The following IL1RAPL1 variants were observed in gnomAD, a reference collection of about 807,000 sequenced individuals.
IL1RAPL1 encodes interleukin 1 receptor accessory protein like 1.
Under a neutral mutation model 48.4 loss-of-function variants are expected in IL1RAPL1, and 3 were observed. That is an observed-to-expected ratio of 0.06 (90% CI 0.03 to 0.16). The LOEUF (loss-of-function observed/expected upper bound fraction) is 0.16, where lower values mean the gene tolerates loss of function less well. Ranked by LOEUF, IL1RAPL1 falls within the 10% of genes least tolerant of loss-of-function variation. IL1RAPL1 has a pLI of 1.00. For missense variants in IL1RAPL1, 349 were observed against 530.6 expected, an observed-to-expected ratio of 0.66 and a Z score of 3.36; for synonymous variants, 185 against 187.7, an observed-to-expected ratio of 0.99 and a Z score of 0.12.
chrX:29,788,960 A>G lies in IL1RAPL1; in HGVS notation c.778+120456A>G, dbSNP rs768479223. ...ATAATTAACTGTATTTATGACAAAGAAAGCAAAACAGAATAATTTAGATAA... is the reference window on the plus strand; with the variant it reads ...ATAATTAACTGTATTTATGACAAAGGAAGCAAAACAGAATAATTTAGATAA... On this transcript the variant is annotated intron_variant, in intron 6 of 10. Transcript: ENST00000378993. Among the ~76,000 whole-genome samples, 3 of 111,217 alleles carry G rather than the reference A, an allele frequency of 2.7e-5. No individual in the cohort carries two copies. The South Asian group carries it at 1.1e-3, about 41-fold the overall frequency.
chrX:29,341,946 A>G (rs1419404298), intron 3 of IL1RAPL1, among the ~76,000 whole-genome samples: 2 of 109,984 alleles, frequency 1.8e-5, no homozygotes. Flanking sequence ...AGCTGGGACT[A>G]CAGGTGCACC....
chrX:28,890,666 A>C (rs185706489), intron 2 of IL1RAPL1, among the ~76,000 whole-genome samples: 1 of 112,125 alleles, frequency 8.9e-6, no homozygotes, highest in African/African-American at 3.2e-5. Flanking sequence ...TTGAATAATT[A>C]ATAAACCATT....
chrX:28,601,264 T>C (rs1368116503), intron 1 of IL1RAPL1, among the ~76,000 whole-genome samples: 4 of 110,398 alleles, frequency 3.6e-5, no homozygotes, highest in African/African-American at 1.3e-4. Context: ...ACTAAAAAAA[T>C]ACAATAATTA....
chrX:29,307,638 T>C (rs1279179108), intron 3 of IL1RAPL1, among the ~76,000 whole-genome samples: 1 of 97,433 alleles, frequency 1.0e-5, no homozygotes, highest in Non-Finnish European at 2.1e-5. Context: ...TTTTGATAAG[T>C]GGAAAACATT....
intron 5 of IL1RAPL1, among the ~76,000 whole-genome samples, chrX:29,591,883 G>C (rs180904063): frequency 8.9e-6 from 1 of 112,155 alleles, no homozygotes; most frequent in Non-Finnish European, 1.9e-5. Context: ...GGATCACATG[G>C]CCAGAAAGTG....
At chrX:29,044,262 C>T (rs1293327327) in intron 2 of IL1RAPL1, among the ~76,000 whole-genome samples, 2 of 109,881 alleles carry the variant, frequency 1.8e-5, no homozygotes, top group Non-Finnish European at 3.8e-5. Flanking sequence ...TGAAACCCAC[C>T]TCTACTAAAA....
intron 6 of IL1RAPL1, among the ~76,000 whole-genome samples, chrX:29,763,435 G>A (rs1195210463): frequency 9.0e-6 from 1 of 111,024 alleles, no homozygotes; most frequent in Admixed American, 9.7e-5. Flanking sequence ...GAAACTATGT[G>A]CTCAGGAACA....
At chrX:29,296,822 A>G (rs1432178923) in intron 3 of IL1RAPL1, among the ~76,000 whole-genome samples, 1 of 112,073 alleles carries the variant, frequency 8.9e-6, no homozygotes, top group Admixed American at 9.5e-5. Context: ...TAGAATATAT[A>G]TAACCTGCTT....
chrX:28,963,259 GTATAT>G (rs1260075584), intron 2 of IL1RAPL1, among the ~76,000 whole-genome samples: 2 of 111,138 alleles, frequency 1.8e-5, no homozygotes, highest in Admixed American at 1.9e-4. Context: ...CTGCCTAGAA[GTATAT>G]TATACTTTTT....
chrX:28,972,665 G>A (rs1013861641), intron 2 of IL1RAPL1, among the ~76,000 whole-genome samples: 3 of 111,439 alleles, frequency 2.7e-5, no homozygotes, highest in East Asian at 2.8e-4. Flanking sequence ...CGTGAACCTA[G>A]GAGGCGGAGC....
At chrX:29,622,692 A>G (rs1924496902) in intron 5 of IL1RAPL1, among the ~76,000 whole-genome samples, 1 of 111,169 alleles carries the variant, frequency 9.0e-6, no homozygotes, top group Non-Finnish European at 1.9e-5. Context: ...TCTGAAGAGT[A>G]TTTTTTTAAT....
At chrX:29,701,170 G>C (rs761002768) in intron 6 of IL1RAPL1, among the ~76,000 whole-genome samples, 5 of 111,893 alleles carry the variant, frequency 4.5e-5, no homozygotes, top group Non-Finnish European at 9.4e-5. Flanking sequence ...TCATCTGGGG[G>C]CAGAATATCA....
At chrX:28,990,813 T>A (rs1337838272) in intron 2 of IL1RAPL1, among the ~76,000 whole-genome samples, 2 of 111,898 alleles carry the variant, frequency 1.8e-5, no homozygotes, top group Admixed American at 9.5e-5. Flanking sequence ...TTTTATTTTG[T>A]ACTGCTTTCA....
At chrX:29,165,741 A>G (rs930023722) in intron 2 of IL1RAPL1, among the ~76,000 whole-genome samples, 3 of 112,202 alleles carry the variant, frequency 2.7e-5, no homozygotes, top group Non-Finnish European at 3.8e-5. Flanking sequence ...AAGATTTTAT[A>G]GTTTCCCTTT....
intron 2 of IL1RAPL1, chrX:28,982,729 A>C (rs1925373854): frequency 8.9e-6 from 1 of 112,167 alleles, no homozygotes. Flanking sequence ...TGCTTCTGCC[A>C]CTAAACCCGA....
At chrX:29,317,032 G>A (rs1019650155) in intron 3 of IL1RAPL1, among the ~76,000 whole-genome samples, 1 of 111,214 alleles carries the variant, frequency 9.0e-6, no homozygotes, top group African/African-American at 3.3e-5. Flanking sequence ...GGGTCTCAGT[G>A]GCTAAGAGAG....
At chrX:29,721,325 C>T (rs1927634365) in intron 6 of IL1RAPL1, among the ~76,000 whole-genome samples, 1 of 111,687 alleles carries the variant, frequency 9.0e-6, no homozygotes, top group African/African-American at 3.3e-5. Flanking sequence ...ATGCATCTAT[C>T]CCATCTCTCC....
intron 6 of IL1RAPL1, among the ~76,000 whole-genome samples, chrX:29,725,786 G>A (rs1927761649): frequency 1.8e-5 from 2 of 112,224 alleles, no homozygotes; most frequent in African/African-American, 6.5e-5. Context: ...AATTTATATG[G>A]TAACTTTTGT....
At chrX:29,693,817 CT>C (rs751463248) in intron 6 of IL1RAPL1, among the ~76,000 whole-genome samples, 179 of 98,621 alleles carry the variant, frequency 1.8e-3, no homozygotes, top group Middle Eastern at 5.3e-3. Flanking sequence ...TGATTCATTT[CT>C]TTTTTTTTTT....
Sources: allele counts gnomAD v4.1 joint callset (sites outside exome capture counted in the v4.1 genomes callset), GRCh38; gene constraint gnomAD v4.1.1; transcripts MANE v1.5; gene names NCBI Gene and HGNC (gene_info 2026-07-23, HGNC 2026-07-21).